Variants in MAVS observed in about 807,000 individuals in gnomAD.
MAVS encodes the protein mitochondrial antiviral signaling protein.
A neutral mutation model predicts 30.2 loss-of-function variants in MAVS; 20 were observed. The ratio of observed to expected loss-of-function variants is 0.66; its 90% confidence interval spans 0.47 to 0.96. The LOEUF is 0.96. MAVS is among the 40% of genes least tolerant of loss of function. The probability of loss-of-function intolerance (pLI) is 0.00; values close to 1 mark genes in which losing one functional copy is unlikely to be tolerated. For synonymous variants in MAVS, 278 were observed against 293.9 expected (o/e 0.95, Z 0.55); for missense variants, 624 against 701.1 (o/e 0.89, Z 1.24).
At chr20:3,848,157 T>TG (rs1271865578) in intron 1 of MAVS, among the ~76,000 whole-genome samples, 1 of 151,920 alleles carries the variant, frequency 6.6e-6, no homozygotes, top group East Asian at 1.9e-4. Context: ...TGGAGCGCAG[T>TG]GGTCCAATCT....
chr20:3,851,197 G>A (rs532082383), intron 1 of MAVS, among the ~76,000 whole-genome samples: 10 of 151,898 alleles, frequency 6.6e-5, no homozygotes, highest in Admixed American at 5.3e-4. Flanking sequence ...GCATGGTGGC[G>A]TGTACCCGTA....
Position 3,865,805 on chromosome 20 carries a change from G to A in MAVS, c.1281G>A (p.Gln427=). The part of the protein sequence containing the change: ...ELSKPGVLAS[Q]VDSPFSGCFE... ...GTAAGCCTGGCGTGCTGGCATCCCA[G>A]GTAGACAGCCCGTTCTCGGGCTGCT... The change falls in exon 7 of 7, where the codon CAG becomes CAA. Residue 427 remains glutamine (Q), a synonymous_variant. Transcript: ENST00000428216. This position sits in a 1 kb window ranked among gnomAD's most constrained non-coding sequence, Gnocchi z 4.7. 2 of 1,613,934 alleles carry A rather than the reference G, an allele frequency of 1.2e-6. No individual in the cohort carries two copies. The highest frequency in any genetic ancestry group is 1.7e-6 in the Non-Finnish European group (2 of 1,180,024).
At position 3,872,087 on chromosome 20, in the gene MAVS, T is replaced by A. The variant is rs1159712554; in HGVS notation, c.*5940T>A. ...TCTGACCCCGGGGCCCCAGGCTGGA[T>A]GTTCTTTATGCCTGTGAACCACAGC... On this transcript the variant is annotated 3_prime_UTR_variant, in exon 7 of 7. Coordinates refer to ENST00000428216, the MANE Select transcript of MAVS (RefSeq NM_020746.5). 3 of 152,234 alleles carry A rather than the reference T, an allele frequency of 2.0e-5. No individual in the cohort carries two copies. The highest frequency in any genetic ancestry group is 4.8e-5 in the African/African-American group (2 of 41,410). The allele number at this position is 152,234 out of a possible 1,614,324, so 9.4% of individuals were successfully genotyped here.
At chr20:3,853,520 A>G (rs1001336928) in intron 1 of MAVS, among the ~76,000 whole-genome samples, 1 of 151,716 alleles carries the variant, frequency 6.6e-6, no homozygotes, top group Non-Finnish European at 1.5e-5. Context: ...GTGGCTGGAC[A>G]CATTGGCTGG....
rs1227517275 is a variant in MAVS, at chr20:3,854,892, T to TTTC, written c.117+153_117+154insCTT. 334 of 113,652 alleles carry TTTC rather than the reference T, an allele frequency of 2.9e-3. 2 individuals carry two copies. The South Asian group carries it at 0.032, about 11-fold the overall frequency. The allele number at this position is 113,652 out of a possible 1,614,324, so 7.0% of individuals were successfully genotyped here. On this transcript the variant is annotated intron_variant, in intron 2 of 6. Transcript: ENST00000428216. ...TTGCTCCTTGTCCTTGCTGCTTTTC[T>TTTC]TTTTTTTTTTTTTTTTTGAGATTGA...
intron 1 of MAVS, among the ~76,000 whole-genome samples, chr20:3,851,203 C>T (rs2089756921): frequency 6.6e-6 from 1 of 151,870 alleles, no homozygotes; most frequent in African/African-American, 2.4e-5. Flanking sequence ...TGGCGTGTAC[C>T]CGTAATCCCA....
Position 3,874,002 on chromosome 20 carries a change from C to A in MAVS, c.*7855C>A, listed in dbSNP as rs2089973386. On this transcript the variant is annotated 3_prime_UTR_variant, in exon 7 of 7. Transcript: ENST00000428216. Reference sequence around the variant, plus strand: ...ACTGTAGCCCCAAACCTGAAACAACCCAAATGTCCATCCACCAACCCAAAT... The same window carrying A: ...ACTGTAGCCCCAAACCTGAAACAACACAAATGTCCATCCACCAACCCAAAT... The A allele has an allele frequency of 2.5e-6, 1 of 397,102 alleles. No homozygotes were observed. The highest frequency in any genetic ancestry group is 4.4e-6 in the Non-Finnish European group (1 of 225,798). 24.6% of individuals were successfully genotyped at this position (397,102 alleles called of 1,614,324 possible). A position where few individuals can be genotyped will look rare whatever the true frequency, so the allele number is the denominator to read the frequency against.
chr20:3,866,459 A>T lies in MAVS; in HGVS notation c.*312A>T. On this transcript the variant is annotated 3_prime_UTR_variant, in exon 7 of 7. Coordinates refer to ENST00000428216, the MANE Select transcript of MAVS (RefSeq NM_020746.5). ...GTCCTCCAGAGGAGCTTCCTCCTCC[A>T]GGCCTCAGCCCTGTTGGCCCAGGTG... The T allele has an allele frequency of 2.3e-6, 1 of 429,906 alleles. No homozygotes were observed. Among genetic ancestry groups the T allele is most frequent in the Non-Finnish European group, 4.2e-6 (1 of 237,604 alleles). The allele number at this position is 429,906 out of a possible 1,614,324, so 26.6% of individuals were successfully genotyped here.
At chr20:3,856,095 C>CACA (rs1230014650) in intron 2 of MAVS, among the ~76,000 whole-genome samples, 48 of 151,660 alleles carry the variant, frequency 3.2e-4, no homozygotes, top group African/African-American at 1.1e-3. Context: ...CACTCTGTCG[C>CACA]CCAGGCTGGA....
At chr20:3,857,058 C>T (rs933393670) in intron 2 of MAVS, among the ~76,000 whole-genome samples, 1 of 145,230 alleles carries the variant, frequency 6.9e-6, no homozygotes, top group East Asian at 2.0e-4. Context: ...AAAAAAGAAA[C>T]AAAAAAACTC....
intron 1 of MAVS, among the ~76,000 whole-genome samples, chr20:3,853,146 GA>G: frequency 6.9e-6 from 1 of 145,572 alleles, no homozygotes; most frequent in South Asian, 2.3e-4. Context: ...GGTTCTGCAG[GA>G]ATTTTGGAGA....
chr20:3,863,050 G>C (rs2089878613), intron 5 of MAVS, among the ~76,000 whole-genome samples: 1 of 152,186 alleles, frequency 6.6e-6, no homozygotes, highest in Non-Finnish European at 1.5e-5. Context: ...AGGGACTGTA[G>C]GGAACAGCCA....
chr20:3,859,376 T>C (rs1044599851), intron 3 of MAVS, among the ~76,000 whole-genome samples: 12 of 151,922 alleles, frequency 7.9e-5, no homozygotes, highest in East Asian at 3.9e-4. Flanking sequence ...CGCATGGTGG[T>C]GCAAGCCTGT....
intron 2 of MAVS, among the ~76,000 whole-genome samples, chr20:3,857,284 C>G (rs10153969): frequency 0.28 from 42,750 of 152,090 alleles, 6,357 homozygotes; most frequent in East Asian, 0.58. Context: ...TCCTGCCCCA[C>G]TGTTTTAGGA....
intron 2 of MAVS, among the ~76,000 whole-genome samples, chr20:3,856,033 C>T (rs1001738381): frequency 6.8e-6 from 1 of 146,482 alleles, no homozygotes; most frequent in African/African-American, 2.5e-5. Flanking sequence ...TGCTCTGTCA[C>T]TCAGGCTGGA....
chr20:3,857,995 C>T, intron 3 of MAVS, 186 bp downstream of exon 3: 1 of 665,002 alleles, frequency 1.5e-6, no homozygotes, highest in Non-Finnish European at 2.6e-6. Flanking sequence ...TGGCCAAGTC[C>T]CTTAATTTCC....
At chr20:3,851,924 C>T (rs910553316) in intron 1 of MAVS, among the ~76,000 whole-genome samples, 1 of 151,574 alleles carries the variant, frequency 6.6e-6, no homozygotes, top group African/African-American at 2.4e-5. Flanking sequence ...CATTGTACTC[C>T]AGCCTGGGCA....
chr20:3,864,143 T>G lies in MAVS; in HGVS notation c.626-113T>G, dbSNP rs915709238. ...GCATCTCCTCCAAGGGCAGGAGATT[T>G]GGAGGCCTAGACACAGTAGGGACCA... On this transcript the variant is annotated intron_variant, in intron 5 of 6. Coordinates refer to ENST00000428216, the MANE Select transcript of MAVS (RefSeq NM_020746.5). 22 of 1,202,422 alleles carry G rather than the reference T, an allele frequency of 1.8e-5. No individual in the cohort carries two copies. The Admixed American group carries it at 2.1e-4, about 11-fold the overall frequency. The allele number at this position is 1,202,422 out of a possible 1,614,324, so 74.5% of individuals were successfully genotyped here. A position where few individuals can be genotyped will look rare whatever the true frequency, so the allele number is the denominator to read the frequency against.
intron 1 of MAVS, among the ~76,000 whole-genome samples, chr20:3,853,704 G>C (rs1365936537): frequency 6.6e-6 from 1 of 152,076 alleles, no homozygotes; most frequent in Non-Finnish European, 1.5e-5. Context: ...TGAGGCGGGA[G>C]GATTGCTTGA....
Sources: allele counts gnomAD v4.1 joint callset (sites outside exome capture counted in the v4.1 genomes callset), GRCh38; gene constraint gnomAD v4.1.1; non-coding constraint Gnocchi (gnomAD v3.1); transcripts MANE v1.5; gene names NCBI Gene and HGNC (gene_info 2026-07-23, HGNC 2026-07-21).